IGSF21: variants seen among roughly 807,000 people sequenced by gnomAD.
IGSF21 encodes the protein immunoglobulin superfamily member 21.
A neutral mutation model predicts 46.8 loss-of-function variants in IGSF21; 28 were observed. The observed-to-expected ratio is 0.60, with a 90% CI of 0.44 to 0.82. IGSF21 has a LOEUF of 0.82. Ranked by LOEUF, IGSF21 falls within the 40% of genes least tolerant of loss-of-function variation. The pLI is 0.00. For synonymous variants in IGSF21, 284 were observed against 273.6 expected (o/e 1.04, Z -0.38); for missense variants, 624 against 665.5 (o/e 0.94, Z 0.69).
At chr1:18,351,701 G>A (rs2085957522) in intron 4 of IGSF21, among the ~76,000 whole-genome samples, 1 of 152,188 alleles carries the variant, frequency 6.6e-6, no homozygotes. Flanking sequence ...GGTACCTGGT[G>A]AAATCGCCCG....
intron 1 of IGSF21, among the ~76,000 whole-genome samples, chr1:18,130,447 A>T (rs961696037): frequency 6.6e-6 from 1 of 151,990 alleles, no homozygotes; most frequent in Non-Finnish European, 1.5e-5. Flanking sequence ...TCCTTACCAG[A>T]CCTCTGAGGG....
At chr1:18,128,812 G>A (rs1477808077) in intron 1 of IGSF21, among the ~76,000 whole-genome samples, 1 of 148,630 alleles carries the variant, frequency 6.7e-6, no homozygotes, top group African/African-American at 2.5e-5. Context: ...GTGTGTGTGT[G>A]TATGTCTCTG....
chr1:18,114,693 C>T (rs536534761), intron 1 of IGSF21: 1 of 152,338 alleles, frequency 6.6e-6, no homozygotes, highest in African/African-American at 2.4e-5. Flanking sequence ...GACCTCACAT[C>T]ACACAGGGAG....
chr1:18,141,749 A>G (rs1273485112), intron 1 of IGSF21, among the ~76,000 whole-genome samples: 1 of 152,194 alleles, frequency 6.6e-6, no homozygotes, highest in African/African-American at 2.4e-5. Flanking sequence ...AAGTTATTAG[A>G]TGGACATACA....
intron 1 of IGSF21, among the ~76,000 whole-genome samples, chr1:18,120,906 C>T (rs903500281): frequency 1.3e-5 from 2 of 152,182 alleles, no homozygotes; most frequent in African/African-American, 4.8e-5. Context: ...CACATCTCCC[C>T]TGTGCCCTAG....
In IGSF21 at chr1:18,227,059, G is replaced by A. The variant is rs76758757; in HGVS notation, c.71-839G>A. On this transcript the variant is annotated intron_variant, in intron 1 of 9. Coordinates refer to ENST00000251296, the MANE Select transcript of IGSF21 (RefSeq NM_032880.5). ...AGCGTCTGCTCCAGGCACTCCCAGG[G>A]GCAGCTGGTAGTAGTCCGGGAAGCA... is the stretch of plus-strand genomic sequence containing the variant. Among the ~76,000 whole-genome samples the A allele has an allele frequency of 3.6e-3, 555 of 152,302 alleles. 4 individuals carry two copies. Among genetic ancestry groups the A allele is most frequent in the African/African-American group, 0.012 (507 of 41,578 alleles).
chr1:18,205,161 AAG>A (rs983010108), intron 1 of IGSF21, among the ~76,000 whole-genome samples: 3 of 144,874 alleles, frequency 2.1e-5, no homozygotes, highest in Admixed American at 6.9e-5. Context: ...GAGAGAGAGA[AAG>A]AGAGAGGGAG....
chr1:18,239,823 T>C (rs939182970), intron 2 of IGSF21, among the ~76,000 whole-genome samples: 1 of 151,738 alleles, frequency 6.6e-6, no homozygotes, highest in African/African-American at 2.4e-5. Context: ...CACATTCAAC[T>C]GCCATGACCC....
intron 1 of IGSF21, among the ~76,000 whole-genome samples, chr1:18,224,747 T>C (rs1230591634): frequency 6.6e-6 from 1 of 152,042 alleles, no homozygotes; most frequent in Non-Finnish European, 1.5e-5. Flanking sequence ...ACCCAATATC[T>C]CTTAAAATTC....
At chr1:18,275,667 T>TGTCC (rs2085093538) in intron 2 of IGSF21, among the ~76,000 whole-genome samples, 1 of 152,098 alleles carries the variant, frequency 6.6e-6, no homozygotes, top group Admixed American at 6.5e-5. Flanking sequence ...CCATGCTAGG[T>TGTCC]GTCCGCTCAA....
intron 2 of IGSF21, among the ~76,000 whole-genome samples, chr1:18,267,436 G>C (rs193140899): frequency 2.0e-5 from 3 of 152,106 alleles, no homozygotes; most frequent in African/African-American, 7.2e-5. Context: ...TCTCTACCCT[G>C]CCCTGGCCTC....
At chr1:18,222,066 C>T (rs1288122878) in intron 1 of IGSF21, among the ~76,000 whole-genome samples, 1 of 152,264 alleles carries the variant, frequency 6.6e-6, no homozygotes, top group Middle Eastern at 3.4e-3. Flanking sequence ...CAGAACTCAC[C>T]TCTCCTCTGC....
At chr1:18,249,290 C>A (rs2084813940) in intron 2 of IGSF21, among the ~76,000 whole-genome samples, 1 of 152,082 alleles carries the variant, frequency 6.6e-6, no homozygotes, top group African/African-American at 2.4e-5. Context: ...GGCAAGGGCT[C>A]CAGGTTGAGG....
intron 1 of IGSF21, among the ~76,000 whole-genome samples, chr1:18,227,040 T>C (rs1010633566): frequency 6.6e-6 from 1 of 152,214 alleles, no homozygotes; most frequent in African/African-American, 2.4e-5. Flanking sequence ...TCCCAGCGTC[T>C]GCTCCAGGCA....
In IGSF21 at chr1:18,263,839, C is replaced by T. The variant is rs188468256; in HGVS notation, c.184-28027C>T. ...TGTCTAAAAAACAAGAAAATTTTCT[C>T]GTCTTCTTTCTCTTCTGTAGTCAGT... On this transcript the variant is annotated intron_variant, in intron 2 of 9. Coordinates refer to ENST00000251296, the MANE Select transcript of IGSF21 (RefSeq NM_032880.5). Among the ~76,000 whole-genome samples the T allele has an allele frequency of 1.2e-4, 18 of 152,334 alleles. No individual in the cohort carries two copies. The East Asian group carries it at 3.1e-3, about 26-fold the overall frequency.
chr1:18,378,343 C>T lies in IGSF21; in HGVS notation c.*17C>T. The T allele has an allele frequency of 1.2e-6, 2 of 1,610,222 alleles. No homozygotes were observed. Among genetic ancestry groups the T allele is most frequent in the Non-Finnish European group, 1.7e-6 (2 of 1,176,912 alleles). ...CTGACGTGAAGGCACCCGCCCCGGC[C>T]ACTCCATCAGGCACTGACATCTCCA... is the stretch of plus-strand genomic sequence containing the variant. On this transcript the variant is annotated 3_prime_UTR_variant, in exon 10 of 10. Transcript: ENST00000251296.
intron 1 of IGSF21, among the ~76,000 whole-genome samples, chr1:18,204,766 C>T (rs940413607): frequency 6.6e-6 from 1 of 152,156 alleles, no homozygotes; most frequent in African/African-American, 2.4e-5. Context: ...GAGAATGGAT[C>T]ACATTCAATT....
At chr1:18,251,087 G>A (rs79564446) in intron 2 of IGSF21, among the ~76,000 whole-genome samples, 4,694 of 152,162 alleles carry the variant, frequency 0.031, 219 homozygotes, top group African/African-American at 0.1. Flanking sequence ...TGGGATGAGC[G>A]TGGTCACACT....
At chr1:18,111,370 G>A (rs2086143920) in intron 1 of IGSF21, 1 of 152,226 alleles carries the variant, frequency 6.6e-6, no homozygotes, top group African/African-American at 2.4e-5. Context: ...TCGAGCTGGA[G>A]CGACCTCGGA....
Sources: gnomAD v4.1 joint callset for allele counts (sites outside exome capture counted in the v4.1 genomes callset) on GRCh38, gnomAD v4.1.1 for gene constraint, MANE v1.5 for transcripts, NCBI Gene and HGNC (gene_info 2026-07-23, HGNC 2026-07-21) for gene names.